KIAA1549: variants seen among roughly 807,000 people sequenced by gnomAD.
KIAA1549 encodes the protein UPF0606 protein KIAA1549.
In KIAA1549, 70 loss-of-function variants were observed where a neutral mutation model predicts 156.4. The observed-to-expected ratio is 0.45, with a 90% CI of 0.37 to 0.55. KIAA1549 has a LOEUF of 0.55. Among genes scored for constraint, KIAA1549 ranks in the 20% least tolerant of loss-of-function variants. The pLI, the probability that KIAA1549 is intolerant of heterozygous loss-of-function variation, is 0.00. For synonymous variants in KIAA1549, 1,103 were observed against 1,066.4 expected (o/e 1.03, Z -0.67); for missense variants, 2,428 against 2,540.9 (o/e 0.96, Z 0.96).
chr7:138,881,395 T>G lies in KIAA1549; in HGVS notation c.4222A>C (p.Arg1408=). 6.2e-7 allele frequency: 1 copy of G among 1,613,314 alleles called. No individual in the cohort carries two copies. The highest frequency in any genetic ancestry group is 8.5e-7 in the Non-Finnish European group (1 of 1,179,704). ...SKIPSKNVRH[R]GRVSPSDADS... ...AGAAAGCCCAATAATAACCTTCCTC[T>G]GTGACGAACATTCTTGGAAGGGATC... Residue 1408 remains arginine (R), a synonymous_variant, in exon 11 of 20, where the codon AGA becomes CGA. Transcript: ENST00000422774.
chr7:138,917,871 G>A lies in KIAA1549; in HGVS notation c.1755C>T (p.Asp585=). 1 of 1,604,866 alleles carries A rather than the reference G, an allele frequency of 6.2e-7. No individual in the cohort carries two copies. The highest frequency in any genetic ancestry group is 8.5e-7 in the Non-Finnish European group (1 of 1,175,742). The stretch of plus-strand genomic sequence containing the variant: ...GACTATAAGGCGTAAAAACACTCGG[G>A]TCTCTGACGGCAAGCGACGGTGTGT... ...NKNTPSLAVR[D]PSVFTPYSLV... The change falls in exon 2 of 20, where the codon GAC becomes GAT. Residue 585 remains aspartate (D), a synonymous_variant. Transcript: ENST00000422774.
intron 1 of KIAA1549, among the ~76,000 whole-genome samples, chr7:138,974,683 A>G (rs111562904): frequency 2.8e-4 from 43 of 151,866 alleles, no homozygotes; most frequent in African/African-American, 9.9e-4. Context: ...TCAGCCTCCC[A>G]AAGTGCTGGG....
chr7:138,918,713 C>G lies in KIAA1549; in HGVS notation c.913G>C (p.Gly305Arg), dbSNP rs761267287. The change falls in exon 2 of 20, where the codon GGG (glycine) becomes CGG (arginine). Residue 305 changes from glycine (G) to arginine (R), a missense_variant. Around this residue, in one of 5 missense-constraint regions of KIAA1549, gnomAD observed 893 missense variants for 847.9 expected, o/e 1.05. Coordinates refer to ENST00000422774, the MANE Select transcript of KIAA1549 (RefSeq NM_001164665.2). This position sits in a 1 kb window ranked among gnomAD's most constrained non-coding sequence, Gnocchi z 4.2. Reference protein sequence around the residue: ...DGITIPLPSLGEVSQPPEEVW... With the variant: ...DGITIPLPSLREVSQPPEEVW... ...TCCTCTGGAGGCTGTGAGACCTCCCCCAAGGAGGGCAACGGTATAGTAATG... is the reference window on the plus strand; with the variant it reads ...TCCTCTGGAGGCTGTGAGACCTCCCGCAAGGAGGGCAACGGTATAGTAATG... 2 of 1,613,842 alleles carry G rather than the reference C, an allele frequency of 1.2e-6. No homozygotes were observed. Among genetic ancestry groups the G allele is most frequent in the Non-Finnish European group, 1.7e-6 (2 of 1,179,878 alleles).
chr7:138,927,365 G>A (rs1294970422), intron 1 of KIAA1549, among the ~76,000 whole-genome samples: 1 of 152,254 alleles, frequency 6.6e-6, no homozygotes, highest in African/African-American at 2.4e-5. Context: ...AACTGGCTGG[G>A]CACAGTGGCT....
At chr7:138,849,594 G>A (rs1810178289) in intron 17 of KIAA1549, among the ~76,000 whole-genome samples, 1 of 151,246 alleles carries the variant, frequency 6.6e-6, no homozygotes, top group African/African-American at 2.4e-5. Context: ...AGGGGTACAT[G>A]TGCAGGTTTG....
In KIAA1549 at chr7:138,871,494, G is replaced by A. The variant is rs1003937607; in HGVS notation, c.4346-132C>T. On this transcript the variant is annotated intron_variant, in intron 12 of 19. Transcript: ENST00000422774. Reference sequence around the variant, plus strand: ...CCAAAAATACATCCCCACTGCAGTAGCAGAGTGTTTACAATTTCACTCTCT... The same window carrying A: ...CCAAAAATACATCCCCACTGCAGTAACAGAGTGTTTACAATTTCACTCTCT... The A allele has an allele frequency of 1.2e-4, 80 of 660,092 alleles. No individual in the cohort carries two copies. In the African/African-American group the frequency reaches 1.3e-3, roughly 11 times the overall value. 40.9% of individuals were successfully genotyped at this position (660,092 alleles called of 1,614,324 possible).
chr7:138,853,498 G>A (rs1810292247), intron 16 of KIAA1549, among the ~76,000 whole-genome samples: 1 of 152,174 alleles, frequency 6.6e-6, no homozygotes, highest in African/African-American at 2.4e-5. Flanking sequence ...TTTGTGAGGG[G>A]AAAAAGTAGA....
At chr7:138,925,829 CAAAAAAAAAAAAAAAAAA>C (rs59066216) in intron 1 of KIAA1549, among the ~76,000 whole-genome samples, 1,179 of 44,684 alleles carry the variant, frequency 0.026, 25 homozygotes, top group African/African-American at 0.079. Flanking sequence ...GATCCTGTCT[CAAAAAAAAAAAAAAAAAA>C]AAAAAAAAAA....
At chr7:138,842,461 C>T (rs1809948959) in intron 18 of KIAA1549, among the ~76,000 whole-genome samples, 1 of 152,104 alleles carries the variant, frequency 6.6e-6, no homozygotes, top group Admixed American at 6.5e-5. Context: ...CTGAGGCGGG[C>T]GGATCACCTG....
At chr7:138,960,496 G>A (rs961151529) in intron 1 of KIAA1549, among the ~76,000 whole-genome samples, 4 of 151,674 alleles carry the variant, frequency 2.6e-5, no homozygotes, top group African/African-American at 9.7e-5. Flanking sequence ...TTTTAGTAGA[G>A]ACAGGGTTTC....
rs1270939874 is a variant in KIAA1549, at chr7:138,918,833, T to C, written c.793A>G (p.Thr265Ala). The change falls in exon 2 of 20, where the codon ACT becomes GCT. Residue 265 changes from threonine (T) to alanine (A), a missense_variant. This residue lies in a region of KIAA1549 where 893 missense variants were observed against 847.9 expected (regional missense o/e 1.05). Transcript: ENST00000422774. The surrounding 1 kb of genome is among the most constrained non-coding windows in gnomAD (Gnocchi z 4.2). ...AGGGAAGCCACAATCTCTGGCAGAG[T>C]CCTGCTTGATAAATGACTGTAAGCA... Reference protein sequence around the residue: ...TDAYSHLSSRTLPEIVASLTE... With the variant: ...TDAYSHLSSRALPEIVASLTE... 6.2e-7 allele frequency: 1 copy of C among 1,613,806 alleles called. No homozygotes were observed. Among genetic ancestry groups the C allele is most frequent in the Non-Finnish European group, 8.5e-7 (1 of 1,179,850 alleles).
intron 12 of KIAA1549, among the ~76,000 whole-genome samples, chr7:138,875,039 T>G (rs1404951636): frequency 6.6e-6 from 1 of 151,910 alleles, no homozygotes; most frequent in Admixed American, 6.6e-5. Context: ...GAGGAATGGG[T>G]TGAGCACCTG....
At chr7:138,937,896 G>A (rs73478201) in intron 1 of KIAA1549, among the ~76,000 whole-genome samples, 17,284 of 152,130 alleles carry the variant, frequency 0.11, 1,139 homozygotes, top group South Asian at 0.19. Flanking sequence ...GGAAGGTGGG[G>A]GGAGTTTGAC....
chr7:138,932,971 CA>C (rs1812912763), intron 1 of KIAA1549, among the ~76,000 whole-genome samples: 1 of 152,126 alleles, frequency 6.6e-6, no homozygotes, highest in African/African-American at 2.4e-5. Context: ...ATGGGAAAAC[CA>C]GGAACGGGAG....
chr7:138,939,031 T>C (rs1167124542), intron 1 of KIAA1549, among the ~76,000 whole-genome samples: 1 of 152,176 alleles, frequency 6.6e-6, no homozygotes, highest in Non-Finnish European at 1.5e-5. Flanking sequence ...AATTAATTAA[T>C]TAAACTTTTT....
At chr7:138,842,750 C>T (rs1482381179) in intron 18 of KIAA1549, among the ~76,000 whole-genome samples, 1 of 150,920 alleles carries the variant, frequency 6.6e-6, no homozygotes, top group Non-Finnish European at 1.5e-5. Flanking sequence ...AGACATAAAA[C>T]AGATGAAGCA....
At chr7:138,924,287 T>G (rs1195411400) in intron 1 of KIAA1549, among the ~76,000 whole-genome samples, 1 of 151,820 alleles carries the variant, frequency 6.6e-6, no homozygotes, top group African/African-American at 2.4e-5. Flanking sequence ...AAATTGTGTA[T>G]CATATAAATC....
At chr7:138,955,556 G>A (rs1813638013) in intron 1 of KIAA1549, among the ~76,000 whole-genome samples, 1 of 151,730 alleles carries the variant, frequency 6.6e-6, no homozygotes, top group South Asian at 2.1e-4. Flanking sequence ...TGGTGGTGAC[G>A]ATGGCACAGC....
At chr7:138,943,955 CAG>C (rs1438023504) in intron 1 of KIAA1549, among the ~76,000 whole-genome samples, 6 of 150,896 alleles carry the variant, frequency 4.0e-5, no homozygotes, top group African/African-American at 1.5e-4. Flanking sequence ...TTAATAGAGA[CAG>C]GGTCTCGTTA....
Sources: gnomAD v4.1 joint callset for allele counts (sites outside exome capture counted in the v4.1 genomes callset) on GRCh38, gnomAD v4.1.1 for gene constraint, gnomAD v4.1.1 regional missense constraint, Gnocchi (gnomAD v3.1) non-coding constraint, MANE v1.5 for transcripts, NCBI Gene and HGNC (gene_info 2026-07-23, HGNC 2026-07-21) for gene names.